Variants in EHBP1 observed in about 807,000 individuals in gnomAD.
EHBP1 encodes the protein EH domain binding protein 1, also known as EH domain-binding protein 1.
In EHBP1, 55 loss-of-function variants were observed where a neutral mutation model predicts 144.0. The ratio of observed to expected loss-of-function variants is 0.38; its 90% CI spans 0.31 to 0.48. EHBP1 has a LOEUF of 0.48. Ranked by LOEUF, EHBP1 falls within the 20% of genes least tolerant of loss-of-function variation. EHBP1 has a pLI of 0.98. For missense variants in EHBP1, 1,200 were observed against 1,364.2 expected, an observed-to-expected ratio of 0.88 and a Z score of 1.90; for synonymous variants, 469 against 472.7, an observed-to-expected ratio of 0.99 and a Z score of 0.10.
chr2:62,815,102 G>A (rs2045340595), intron 5 of EHBP1, among the ~76,000 whole-genome samples: 1 of 152,190 alleles, frequency 6.6e-6, no homozygotes, highest in Non-Finnish European at 1.5e-5. Context: ...TCCCACTGAA[G>A]GTTTCTACTG....
intron 10 of EHBP1, among the ~76,000 whole-genome samples, chr2:62,897,710 A>T (rs902926862): frequency 5.9e-5 from 9 of 152,170 alleles, no homozygotes; most frequent in African/African-American, 2.2e-4. Context: ...CAAAATTGAA[A>T]TGTATTTTCC....
At chr2:62,771,425 AT>A in intron 5 of EHBP1, 33 bp downstream of exon 5, 3 of 1,534,968 alleles carry the variant, frequency 2.0e-6, no homozygotes, top group East Asian at 2.4e-5. Flanking sequence ...CACCTTTCAC[AT>A]TTTCAACTTT....
At chr2:62,882,468 T>C (rs923237308) in intron 10 of EHBP1, among the ~76,000 whole-genome samples, 11 of 152,234 alleles carry the variant, frequency 7.2e-5, no homozygotes, top group Non-Finnish European at 1.2e-4. Context: ...CCATAAAGAA[T>C]ACCTAAACCT....
At chr2:62,879,741 C>T (rs1393959397) in intron 10 of EHBP1, among the ~76,000 whole-genome samples, 2 of 151,954 alleles carry the variant, frequency 1.3e-5, no homozygotes, top group Admixed American at 1.3e-4. Flanking sequence ...ATTATATGCT[C>T]ATGGATCGGA....
At chr2:63,040,623 G>C (rs1017805250) in intron 21 of EHBP1, among the ~76,000 whole-genome samples, 2 of 152,154 alleles carry the variant, frequency 1.3e-5, no homozygotes, top group African/African-American at 4.8e-5. Flanking sequence ...TCTCTTTTGT[G>C]TTTTAAATAC....
chr2:62,707,361 G>A (rs1410573181), intron 2 of EHBP1, 66 bp downstream of exon 2: 2 of 1,189,570 alleles, frequency 1.7e-6, no homozygotes, highest in African/African-American at 3.0e-5. Flanking sequence ...CTAAACTCTG[G>A]GTCTTCTGAT....
chr2:62,971,147 A>C (rs557538320), intron 14 of EHBP1, among the ~76,000 whole-genome samples: 1 of 152,306 alleles, frequency 6.6e-6, no homozygotes, highest in African/African-American at 2.4e-5. Context: ...TGAAAGGGCT[A>C]AATATTATTT....
chr2:62,986,712 C>A (rs1559028142), intron 15 of EHBP1, among the ~76,000 whole-genome samples: 1 of 152,124 alleles, frequency 6.6e-6, no homozygotes, highest in Non-Finnish European at 1.5e-5. Context: ...GCTGGTATTA[C>A]AGGCGTGAGC....
chr2:62,752,418 G>A lies in EHBP1; in HGVS notation c.162+4966G>A, dbSNP rs1027003622. ...TTCCAACTGTGTGGTTAATTTTGGAGTAAGTGTGGTGTGGTGCTGAGAAGA... is the reference window on the plus strand; with the variant it reads ...TTCCAACTGTGTGGTTAATTTTGGAATAAGTGTGGTGTGGTGCTGAGAAGA... On this transcript the variant is annotated intron_variant, in intron 3 of 22. Transcript: ENST00000431489. Among the ~76,000 whole-genome samples, 6 of 152,276 alleles carry A rather than the reference G, an allele frequency of 3.9e-5. No individual in the cohort carries two copies. The South Asian group carries it at 6.2e-4, about 16-fold the overall frequency.
intron 2 of EHBP1, among the ~76,000 whole-genome samples, chr2:62,734,337 T>C (rs2152057086): frequency 6.6e-6 from 1 of 151,918 alleles, no homozygotes; most frequent in East Asian, 1.9e-4. Flanking sequence ...AAAAAAACAT[T>C]TTAACATTTC....
At chr2:62,942,311 T>C (rs1283390480) in intron 10 of EHBP1, among the ~76,000 whole-genome samples, 1 of 152,222 alleles carries the variant, frequency 6.6e-6, no homozygotes, top group Non-Finnish European at 1.5e-5. Context: ...GTGTTACATT[T>C]GGACCTCGAA....
chr2:62,761,642 A>G (rs887587981), intron 3 of EHBP1, among the ~76,000 whole-genome samples: 6 of 152,222 alleles, frequency 3.9e-5, no homozygotes, highest in African/African-American at 1.4e-4. Flanking sequence ...CTGCACTCAT[A>G]TACTGTAACT....
At chr2:63,034,373 A>T (rs2061377205) in intron 19 of EHBP1, among the ~76,000 whole-genome samples, 1 of 152,080 alleles carries the variant, frequency 6.6e-6, no homozygotes, top group African/African-American at 2.4e-5. Flanking sequence ...CTGAAAAAAA[A>T]ATTTAAAAAG....
chr2:62,993,891 A>G lies in EHBP1; in HGVS notation c.2893A>G (p.Ile965Val), dbSNP rs1430822906. ...NRPEMKRQRSIQEDTKKGNEE... is the reference protein window; with the variant it reads ...NRPEMKRQRSVQEDTKKGNEE... Reference sequence around the variant, plus strand: ...TTAAGAGATGAAAAGGCAGAGATCAATACAGGAAGATACAAAGAAAGGAAA... The same window carrying G: ...TTAAGAGATGAAAAGGCAGAGATCAGTACAGGAAGATACAAAGAAAGGAAA... Residue 965 changes from isoleucine (I) to valine (V), a missense_variant, in exon 18 of 23, where the codon ATA (isoleucine) becomes GTA (valine). Around this residue, in one of 6 missense-constraint regions of EHBP1, gnomAD observed 543 missense variants for 513.1 expected, o/e 1.06. Transcript: ENST00000431489. 7 of 1,593,006 alleles carry G rather than the reference A, an allele frequency of 4.4e-6. No homozygotes were observed. The highest frequency in any genetic ancestry group is 2.3e-5 in the East Asian group (1 of 44,294).
intron 2 of EHBP1, among the ~76,000 whole-genome samples, chr2:62,726,072 GGTCCAACA>G (rs1221237664): frequency 6.6e-6 from 1 of 152,110 alleles, no homozygotes; most frequent in African/African-American, 2.4e-5. Flanking sequence ...GCAGAGTTGA[GGTCCAACA>G]GTACCTCTAG....
intron 10 of EHBP1, 24 bp downstream of exon 10, chr2:62,874,556 C>A: frequency 6.6e-7 from 1 of 1,523,596 alleles, no homozygotes; most frequent in Non-Finnish European, 8.8e-7. Flanking sequence ...CATAGTAAAA[C>A]ATGTATTAAT....
At chr2:62,987,956 T>C in intron 15 of EHBP1, 1 of 1,598,546 alleles carries the variant, frequency 6.3e-7, no homozygotes. Context: ...TTGAGATAGA[T>C]ACTAACGAGG....
chr2:62,681,340 G>GTGTATATATATATATATATATA lies in EHBP1; in HGVS notation c.-296+7258_-296+7259insGTATATATATATATATATATAT, dbSNP rs1171760462. Among the ~76,000 whole-genome samples the GTGTATATATATATATATATATA allele has an allele frequency of 3.3e-3, 195 of 58,528 alleles. 4 individuals carry two copies. The highest frequency in any genetic ancestry group is 0.012 in the African/African-American group (139 of 11,590). 38.4% of individuals were successfully genotyped at this position (58,528 alleles called of 152,430 possible). Reference sequence around the variant, plus strand: ...TATATATTTGTATGTATGTGTGTGTGTATATATATATATATATATAATGTG... The same window carrying GTGTATATATATATATATATATA: ...TATATATTTGTATGTATGTGTGTGTGTGTATATATATATATATATATATATATATATATATATATATAATGTG... On this transcript the variant is annotated intron_variant, in intron 1 of 22. Transcript: ENST00000405015.
intron 1 of EHBP1, among the ~76,000 whole-genome samples, chr2:62,693,471 G>T (rs1008165269): frequency 6.6e-6 from 1 of 152,042 alleles, no homozygotes; most frequent in Non-Finnish European, 1.5e-5. Context: ...TCTCCCATCT[G>T]TTGGTTATTT....
Sources: allele counts gnomAD v4.1 joint callset (sites outside exome capture counted in the v4.1 genomes callset), GRCh38; gene constraint gnomAD v4.1.1; regional missense constraint gnomAD v4.1.1; transcripts MANE v1.5; gene names NCBI Gene and HGNC (gene_info 2026-07-23, HGNC 2026-07-21).